Variants in ANOS1 observed in about 807,000 individuals in gnomAD.
ANOS1 encodes the protein anosmin-1.
ANOS1 carries 6 observed loss-of-function variants against 59.0 expected under a neutral mutation model. The ratio of observed to expected loss-of-function variants is 0.10; its 90% CI spans 0.06 to 0.20. The LOEUF (loss-of-function observed/expected upper bound fraction) is 0.20, where lower values mean the gene tolerates loss of function less well. Ranked by LOEUF, ANOS1 falls within the 10% of genes least tolerant of loss-of-function variation. The pLI, the probability that ANOS1 is intolerant of heterozygous loss-of-function variation, is 1.00. For missense variants in ANOS1, 433 were observed against 542.3 expected (o/e 0.80, Z 2.00); for synonymous variants, 217 against 223.4 (o/e 0.97, Z 0.25).
chrX:8,684,897 G>A (rs1193626564), intron 2 of ANOS1, among the ~76,000 whole-genome samples: 4 of 110,258 alleles, frequency 3.6e-5, no homozygotes, highest in Non-Finnish European at 5.7e-5. Context: ...GGAAGATCTC[G>A]GGAACTCGCT....
At chrX:8,656,785 C>T (rs757197622) in intron 2 of ANOS1, among the ~76,000 whole-genome samples, 3 of 111,098 alleles carry the variant, frequency 2.7e-5, no homozygotes, top group Admixed American at 9.6e-5. Flanking sequence ...TTGGCGTTCA[C>T]CCTCAGATGA....
chrX:8,695,987 C>T (rs752371258), intron 2 of ANOS1, among the ~76,000 whole-genome samples: 1 of 112,069 alleles, frequency 8.9e-6, no homozygotes, highest in African/African-American at 3.2e-5. Context: ...TAATTTCACT[C>T]ACACACAATT....
chrX:8,678,071 C>T (rs746613348), intron 2 of ANOS1, among the ~76,000 whole-genome samples: 88 of 112,320 alleles, frequency 7.8e-4, no homozygotes, highest in African/African-American at 2.6e-3. Flanking sequence ...TGACCTGACC[C>T]GCAAGCTCTC....
intron 2 of ANOS1, among the ~76,000 whole-genome samples, chrX:8,662,787 C>T (rs1932061504): frequency 9.0e-6 from 1 of 111,446 alleles, no homozygotes; most frequent in Admixed American, 9.6e-5. Flanking sequence ...TTTGGGAGGC[C>T]GAGGCAGGCG....
intron 6 of ANOS1, among the ~76,000 whole-genome samples, chrX:8,576,591 C>T (rs374067823): frequency 3.7e-5 from 4 of 109,334 alleles, no homozygotes; most frequent in Non-Finnish European, 5.7e-5. Context: ...AAACTCTATA[C>T]GTTATTATAA....
At chrX:8,685,640 GAAA>G (rs1932507273) in intron 2 of ANOS1, among the ~76,000 whole-genome samples, 1 of 97,964 alleles carries the variant, frequency 1.0e-5, no homozygotes, top group East Asian at 3.1e-4. Context: ...AAGAAAGAAA[GAAA>G]GAAAGAAAGA....
intron 4 of ANOS1, among the ~76,000 whole-genome samples, chrX:8,593,421 C>T (rs1930655282): frequency 8.9e-6 from 1 of 111,916 alleles, no homozygotes; most frequent in South Asian, 3.7e-4. Flanking sequence ...TTCCAAACAG[C>T]ACTATGCAAC....
chrX:8,677,536 G>A (rs1409468540), intron 2 of ANOS1, among the ~76,000 whole-genome samples: 1 of 111,382 alleles, frequency 9.0e-6, no homozygotes, highest in Non-Finnish European at 1.9e-5. Context: ...TTGCATGACT[G>A]TATCAGAACA....
At chrX:8,704,601 GA>G (rs1300321815) in intron 1 of ANOS1, among the ~76,000 whole-genome samples, 1 of 112,389 alleles carries the variant, frequency 8.9e-6, no homozygotes, top group East Asian at 2.8e-4. Flanking sequence ...ATCACAAAAT[GA>G]AAAACTCTGT....
chrX:8,603,748 A>G (rs1209602876), intron 3 of ANOS1, among the ~76,000 whole-genome samples: 1 of 112,422 alleles, frequency 8.9e-6, no homozygotes, highest in Non-Finnish European at 1.9e-5. Flanking sequence ...AATTCAACAG[A>G]CTTGTACCAT....
At chrX:8,545,583 T>C (rs1929760963) in intron 9 of ANOS1, among the ~76,000 whole-genome samples, 1 of 112,395 alleles carries the variant, frequency 8.9e-6, no homozygotes, top group Non-Finnish European at 1.9e-5. Flanking sequence ...AAATATTTAT[T>C]TTCTCCCAGA....
intron 13 of ANOS1, among the ~76,000 whole-genome samples, chrX:8,533,921 A>C (rs1177001514): frequency 9.1e-6 from 1 of 109,945 alleles, no homozygotes; most frequent in East Asian, 2.8e-4. Flanking sequence ...ACAAGGAAAA[A>C]AGCATGCATT....
chrX:8,623,861 G>A (rs780517912), intron 2 of ANOS1, among the ~76,000 whole-genome samples, 191 bp from the exon 3 acceptor site: 14 of 110,762 alleles, frequency 1.3e-4, no homozygotes, highest in African/African-American at 4.3e-4. Flanking sequence ...TACAGAACGC[G>A]GACCAAAAAA....
chrX:8,541,501 T>A (rs1248944992), intron 9 of ANOS1, among the ~76,000 whole-genome samples: 2 of 101,374 alleles, frequency 2.0e-5, no homozygotes, highest in Non-Finnish European at 4.0e-5. Flanking sequence ...AAGTGCTGAT[T>A]TTATATAAGG....
At position 8,539,715 on chromosome X, in the gene ANOS1, C is replaced by T. The variant is rs747674754; in HGVS notation, c.1398G>A (p.Ala466=). The T allele has an allele frequency of 3.7e-5, 45 of 1,209,145 alleles. No homozygotes were observed. The highest frequency in any genetic ancestry group is 6.6e-5 in the Admixed American group (3 of 45,563). The change falls in exon 10 of 14, where the codon GCG becomes GCA. Residue 466 remains alanine (A), a synonymous_variant. Transcript: ENST00000262648. ...ATCCGGTTGTTCTGTTGTGGGCACA[C>T]GCTTCAGGAAACCACCGCACATGAT... is the stretch of plus-strand genomic sequence containing the variant. ...NRYHVRWFPE[A]CAHNRTTGSE...
At chrX:8,615,911 T>A (rs1458371897) in intron 3 of ANOS1, among the ~76,000 whole-genome samples, 1 of 111,020 alleles carries the variant, frequency 9.0e-6, no homozygotes, top group African/African-American at 3.3e-5. Flanking sequence ...TCCTCTAACA[T>A]CAAATAACCC....
chrX:8,547,738 G>T (rs1929791654), intron 9 of ANOS1, among the ~76,000 whole-genome samples: 1 of 110,162 alleles, frequency 9.1e-6, no homozygotes, highest in Non-Finnish European at 1.9e-5. Context: ...GTTTTTTTTT[G>T]ACGGTGTCTC....
At chrX:8,653,229 C>A (rs1258742633) in intron 2 of ANOS1, among the ~76,000 whole-genome samples, 2 of 111,456 alleles carry the variant, frequency 1.8e-5, no homozygotes, top group Non-Finnish European at 3.8e-5. Flanking sequence ...AGATCTGTTT[C>A]TTTTGTTCTT....
rs1930552687 is a variant in ANOS1 at position 8,588,084 on chromosome X, T to C, written c.542-106A>G. ...GAGATGAATCTGATCTGATGACAAC[T>C]GAGATTTCCTTTCATAAAAGTGGCC... is the stretch of plus-strand genomic sequence containing the variant. On this transcript the variant is annotated intron_variant, in intron 4 of 13. Transcript: ENST00000262648. 4 of 756,077 alleles carry C rather than the reference T, an allele frequency of 5.3e-6. No individual in the cohort carries two copies. In the South Asian group the frequency reaches 9.1e-5, roughly 17 times the overall value. 62.3% of individuals were successfully genotyped at this position (756,077 alleles called of 1,213,427 possible).
Sources: gnomAD v4.1 joint callset for allele counts (sites outside exome capture counted in the v4.1 genomes callset) on GRCh38, gnomAD v4.1.1 for gene constraint, MANE v1.5 for transcripts, NCBI Gene and HGNC (gene_info 2026-07-23, HGNC 2026-07-21) for gene names.